KLHL29: variants seen among roughly 807,000 people sequenced by gnomAD.
KLHL29 encodes kelch like family member 29.
A neutral mutation model predicts 80.4 loss-of-function variants in KLHL29; 21 were observed. The observed-to-expected ratio is 0.26, with a 90% CI of 0.19 to 0.38. The LOEUF is 0.38. KLHL29 is among the 10% of genes least tolerant of loss of function. The pLI, the probability that KLHL29 is intolerant of heterozygous loss-of-function variation, is 1.00. For missense variants in KLHL29, 867 were observed against 1,223.9 expected, an observed-to-expected ratio of 0.71 and a Z score of 4.35; for synonymous variants, 511 against 526.8, an observed-to-expected ratio of 0.97 and a Z score of 0.41.
At chr2:23,660,577 A>G (rs1209739374) in intron 5 of KLHL29, among the ~76,000 whole-genome samples, 2 of 152,226 alleles carry the variant, frequency 1.3e-5, no homozygotes, top group Non-Finnish European at 2.9e-5. Context: ...TCTCATAGCC[A>G]AAAAGGGACA....
intron 1 of KLHL29, among the ~76,000 whole-genome samples, chr2:23,449,759 G>A (rs986847655): frequency 2.0e-5 from 3 of 152,100 alleles, no homozygotes; most frequent in Admixed American, 6.6e-5. Flanking sequence ...AGAACCTTAG[G>A]CACAATGTTT....
intron 1 of KLHL29, among the ~76,000 whole-genome samples, chr2:23,404,059 T>C (rs530957193): frequency 6.6e-6 from 1 of 152,338 alleles, no homozygotes; most frequent in East Asian, 1.9e-4. Flanking sequence ...AGAATTGTGT[T>C]TTAATAGAAG....
chr2:23,574,190 T>A (rs1667786235), intron 3 of KLHL29, among the ~76,000 whole-genome samples: 1 of 152,110 alleles, frequency 6.6e-6, no homozygotes, highest in Non-Finnish European at 1.5e-5. Context: ...AAGGAAAAGG[T>A]CACTGTGGTT....
intron 2 of KLHL29, among the ~76,000 whole-genome samples, chr2:23,524,612 G>A (rs1294349328): frequency 6.6e-6 from 1 of 152,226 alleles, no homozygotes; most frequent in African/African-American, 2.4e-5. Context: ...AACTCAGAGA[G>A]GGGGTGGGTG....
chr2:23,598,718 G>A (rs1668490579), intron 3 of KLHL29, among the ~76,000 whole-genome samples: 1 of 152,252 alleles, frequency 6.6e-6, no homozygotes, highest in Non-Finnish European at 1.5e-5. Context: ...CAGAGGCCAA[G>A]GCTCCCTGTG....
chr2:23,573,021 G>A (rs1303959219), intron 3 of KLHL29, among the ~76,000 whole-genome samples: 3 of 152,068 alleles, frequency 2.0e-5, no homozygotes, highest in East Asian at 1.9e-4. Context: ...GCCGTGATGA[G>A]GATGATGAAG....
At chr2:23,518,887 G>A (rs1666017360) in intron 2 of KLHL29, among the ~76,000 whole-genome samples, 2 of 152,196 alleles carry the variant, frequency 1.3e-5, no homozygotes, top group East Asian at 1.9e-4. Flanking sequence ...TCCTGAGCAG[G>A]CATCAGAAGC....
intron 7 of KLHL29, among the ~76,000 whole-genome samples, chr2:23,692,968 C>T (rs1014929443): frequency 1.3e-5 from 2 of 152,176 alleles, no homozygotes; most frequent in Non-Finnish European, 2.9e-5. Flanking sequence ...GACCCCAGCC[C>T]AGGCCCAGGC....
At chr2:23,428,107 G>A (rs1041821487) in intron 1 of KLHL29, among the ~76,000 whole-genome samples, 2 of 152,208 alleles carry the variant, frequency 1.3e-5, no homozygotes, top group Non-Finnish European at 2.9e-5. Context: ...ACTGCTAACG[G>A]ATTAATGACA....
chr2:23,640,825 G>A (rs1486708394), intron 4 of KLHL29, among the ~76,000 whole-genome samples: 6 of 152,182 alleles, frequency 3.9e-5, no homozygotes, highest in African/African-American at 7.2e-5. Flanking sequence ...TGCAGGCCTC[G>A]TACCGTGGTC....
In KLHL29 at chr2:23,606,725, C is replaced by A. The variant is rs183252371; in HGVS notation, c.286-32414C>A. 1.6e-4 allele frequency among the ~76,000 whole-genome samples: 25 copies of A among 152,232 alleles called. No individual in the cohort carries two copies. The East Asian group carries it at 4.6e-3, about 28-fold the overall frequency. ...GAGTCATTTATGGGGCATCTGAGGG[C>A]AGCTCAGGGAGAGCAGAAGGGAGCT... On this transcript the variant is annotated intron_variant, in intron 3 of 13. Transcript: ENST00000486442.
At chr2:23,688,398 A>G (rs1339447229) in intron 6 of KLHL29, among the ~76,000 whole-genome samples, 2 of 152,162 alleles carry the variant, frequency 1.3e-5, no homozygotes, top group Admixed American at 6.5e-5. Context: ...CCCAGTTCCA[A>G]CTTGCAAAAT....
chr2:23,451,567 C>CTTGA (rs1165533067), intron 1 of KLHL29, among the ~76,000 whole-genome samples: 1 of 152,226 alleles, frequency 6.6e-6, no homozygotes. Context: ...CATGGCCCCA[C>CTTGA]TTGAGGCTCT....
intron 1 of KLHL29, among the ~76,000 whole-genome samples, chr2:23,443,508 G>A (rs913398882): frequency 1.3e-5 from 2 of 151,976 alleles, no homozygotes; most frequent in African/African-American, 2.4e-5. Context: ...CCCTTTCATA[G>A]CATTGACTGT....
chr2:23,475,328 C>T (rs1030107336), intron 1 of KLHL29, among the ~76,000 whole-genome samples: 5 of 120,184 alleles, frequency 4.2e-5, no homozygotes, highest in East Asian at 2.8e-4. Context: ...CTACCCACTT[C>T]GCCCCACTTT....
At chr2:23,601,634 C>T (rs1025987223) in intron 3 of KLHL29, among the ~76,000 whole-genome samples, 11 of 152,178 alleles carry the variant, frequency 7.2e-5, no homozygotes, top group Non-Finnish European at 4.4e-5. Context: ...CAAACATCAA[C>T]GTGTTCCTTT....
intron 5 of KLHL29, among the ~76,000 whole-genome samples, chr2:23,678,646 T>C (rs759545176): frequency 2.0e-5 from 3 of 152,072 alleles, no homozygotes; most frequent in Non-Finnish European, 4.4e-5. Flanking sequence ...AATAGCAAAA[T>C]GGTGGCAGCA....
chr2:23,433,856 C>T (rs1275581503), intron 1 of KLHL29, among the ~76,000 whole-genome samples: 1 of 152,102 alleles, frequency 6.6e-6, no homozygotes, highest in Non-Finnish European at 1.5e-5. Flanking sequence ...GAGTTTGAGG[C>T]TGCAGTAAGT....
rs1558416938 is a variant in KLHL29 at position 23,633,755 on chromosome 2, T to TGTGTGTGTGTGTGTGTGTGTGTG, written c.286-5384_286-5383insGTGTGTGTGTGTGTGTGTGTGTG. Reference sequence around the variant, plus strand: ...ATCTCTGTCAAAAGAGTCACAGCACTCGTGTGTGTGTGTGTGTGTGTGTGT... The same window carrying TGTGTGTGTGTGTGTGTGTGTGTG: ...ATCTCTGTCAAAAGAGTCACAGCACTGTGTGTGTGTGTGTGTGTGTGTGCGTGTGTGTGTGTGTGTGTGTGTGT... On this transcript the variant is annotated intron_variant, in intron 3 of 13. Transcript: ENST00000486442. Among the ~76,000 whole-genome samples the TGTGTGTGTGTGTGTGTGTGTGTG allele has an allele frequency of 5.4e-4, 15 of 27,844 alleles. 1 individual carries two copies. Among genetic ancestry groups the TGTGTGTGTGTGTGTGTGTGTGTG allele is most frequent in the South Asian group, 2.7e-3 (2 of 734 alleles). 18.3% of individuals were successfully genotyped at this position (27,844 alleles called of 152,430 possible). A position where few individuals can be genotyped will look rare whatever the true frequency, so the allele number is the denominator to read the frequency against.
Sources: allele counts gnomAD v4.1 joint callset (sites outside exome capture counted in the v4.1 genomes callset), GRCh38; gene constraint gnomAD v4.1.1; transcripts MANE v1.5; gene names NCBI Gene and HGNC (gene_info 2026-07-23, HGNC 2026-07-21).